The following GNB1 variants were observed in gnomAD, a reference collection of about 807,000 sequenced individuals.
GNB1 encodes guanine nucleotide-binding protein G(I)/G(S)/G(T) subunit beta-1.
GNB1 carries 2 observed loss-of-function variants against 42.9 expected under a neutral mutation model. That is an observed-to-expected ratio of 0.05 (90% CI 0.02 to 0.15). The LOEUF (loss-of-function observed/expected upper bound fraction) is 0.15, where lower values mean the gene tolerates loss of function less well. Among genes scored for constraint, GNB1 ranks in the 10% least tolerant of loss-of-function variants. The pLI is 1.00. For missense variants in GNB1, 193 were observed against 462.2 expected, an observed-to-expected ratio of 0.42 and a Z score of 5.34; for synonymous variants, 183 against 174.7, an observed-to-expected ratio of 1.05 and a Z score of -0.38.
At chr1:1,816,364 T>C (rs1030773259) in intron 4 of GNB1, among the ~76,000 whole-genome samples, 4 of 152,146 alleles carry the variant, frequency 2.6e-5, no homozygotes, top group African/African-American at 9.7e-5. Flanking sequence ...CCATCCTACA[T>C]ATAGACACTG....
intron 1 of GNB1, among the ~76,000 whole-genome samples, chr1:1,844,898 A>G (rs185320167): frequency 4.1e-4 from 62 of 152,330 alleles, no homozygotes; most frequent in Non-Finnish European, 2.4e-4. Flanking sequence ...ATCCAGCCCC[A>G]AGAGTTTTGC....
At chr1:1,879,344 C>A (rs76555215) in intron 1 of GNB1, among the ~76,000 whole-genome samples, 2,615 of 152,260 alleles carry the variant, frequency 0.017, 85 homozygotes, top group African/African-American at 0.059. Context: ...ACTGAAATGT[C>A]CTAAAAATGT....
chr1:1,875,850 A>C (rs758276911), intron 1 of GNB1, among the ~76,000 whole-genome samples: 3 of 151,890 alleles, frequency 2.0e-5, no homozygotes, highest in Non-Finnish European at 4.4e-5. Flanking sequence ...CCCCCCCCAA[A>C]ATTCATGTCT....
chr1:1,837,561 TTTTG>T (rs761903480), intron 2 of GNB1, among the ~76,000 whole-genome samples: 60 of 147,398 alleles, frequency 4.1e-4, no homozygotes, highest in Non-Finnish European at 6.4e-4. Context: ...GCCTTTTTGT[TTTTG>T]TTTTTGTTTT....
intron 1 of GNB1, among the ~76,000 whole-genome samples, chr1:1,843,489 G>A (rs770342925): frequency 2.6e-5 from 4 of 152,042 alleles, no homozygotes; most frequent in Non-Finnish European, 5.9e-5. Flanking sequence ...GGCCTTCCAC[G>A]GTGCTGGGAT....
intron 5 of GNB1, 82 bp from the exon 6 acceptor site, chr1:1,806,620 C>A: frequency 1.1e-6 from 1 of 889,528 alleles, no homozygotes. Context: ...AACCCAGACT[C>A]TGGTGGCTTA....
chr1:1,889,859 A>G (rs1650374049), intron 1 of GNB1, among the ~76,000 whole-genome samples: 1 of 152,202 alleles, frequency 6.6e-6, no homozygotes, highest in Non-Finnish European at 1.5e-5. Flanking sequence ...GGAATTTTCA[A>G]CAGATCTCCC....
At chr1:1,793,407 C>T (rs565057293) in intron 7 of GNB1, 96 bp from the exon 8 acceptor site, 22 of 761,142 alleles carry the variant, frequency 2.9e-5, no homozygotes, top group Non-Finnish European at 4.2e-5. Flanking sequence ...GGAAGCTCTA[C>T]GTCTAAGGTA....
intron 7 of GNB1, among the ~76,000 whole-genome samples, chr1:1,803,436 A>G (rs1646652263): frequency 6.6e-6 from 1 of 152,142 alleles, no homozygotes; most frequent in Admixed American, 6.5e-5. Context: ...GTTGTGTGCC[A>G]CTGTGCGTGG....
intron 2 of GNB1, among the ~76,000 whole-genome samples, chr1:1,830,700 T>C (rs1043914617): frequency 2.6e-5 from 4 of 152,098 alleles, no homozygotes; most frequent in Admixed American, 2.0e-4. Context: ...ACTCCACCCA[T>C]CACACCCAGC....
intron 1 of GNB1, among the ~76,000 whole-genome samples, chr1:1,880,510 C>T (rs1044633458): frequency 4.0e-5 from 6 of 151,844 alleles, no homozygotes; most frequent in Middle Eastern, 3.4e-3. Flanking sequence ...TGCGTGAACC[C>T]GGGAGGCGGA....
rs528722952 is a variant in GNB1 at position 1,812,755 on chromosome 1, A to G, written c.203+3001T>C. Among the ~76,000 whole-genome samples the G allele has an allele frequency of 1.3e-3, 192 of 152,236 alleles. 1 individual carries two copies. The highest frequency in any genetic ancestry group is 1.0e-3 in the Non-Finnish European group (69 of 68,024). On this transcript the variant is annotated intron_variant, in intron 5 of 11. Transcript: ENST00000378609. ...CTTCCTTCTAATCCTGGGGCTTTCA[A>G]GGCACAAAGTGTGTTTGAGACAGAC... is the stretch of plus-strand genomic sequence containing the variant.
intron 5 of GNB1, among the ~76,000 whole-genome samples, chr1:1,807,230 G>C (rs1156478403): frequency 6.6e-6 from 1 of 151,892 alleles, no homozygotes; most frequent in African/African-American, 2.4e-5. Flanking sequence ...GGGAGGCCAA[G>C]GTAGGTGGAT....
chr1:1,791,557 T>A (rs948319806), intron 8 of GNB1, among the ~76,000 whole-genome samples: 10 of 152,220 alleles, frequency 6.6e-5, no homozygotes, highest in Non-Finnish European at 7.3e-5. Context: ...AGCAGAAGCC[T>A]GGCTCAGGTG....
intron 6 of GNB1, among the ~76,000 whole-genome samples, chr1:1,805,729 A>G (rs1413627804): frequency 6.6e-6 from 1 of 151,870 alleles, no homozygotes; most frequent in East Asian, 2.0e-4. Context: ...TTTAGTAGAG[A>G]CGAGGTTTCA....
At chr1:1,848,555 T>C (rs1039951270) in intron 1 of GNB1, among the ~76,000 whole-genome samples, 1 of 152,268 alleles carries the variant, frequency 6.6e-6, no homozygotes, top group South Asian at 2.1e-4. Context: ...AAGACCTTTA[T>C]GAGGGATCCA....
chr1:1,806,395 G>A, intron 6 of GNB1, 80 bp downstream of exon 6: 1 of 868,420 alleles, frequency 1.2e-6, no homozygotes, highest in Non-Finnish European at 1.9e-6. Flanking sequence ...TGTATTACGT[G>A]ATTTAACAAA....
chr1:1,801,613 T>G (rs1646627701), intron 7 of GNB1, among the ~76,000 whole-genome samples: 1 of 152,118 alleles, frequency 6.6e-6, no homozygotes, highest in African/African-American at 2.4e-5. Flanking sequence ...ATGGTTTACC[T>G]ACAAAGCCCA....
intron 2 of GNB1, among the ~76,000 whole-genome samples, chr1:1,836,097 C>CA (rs1647145209): frequency 6.6e-6 from 1 of 151,184 alleles, no homozygotes; most frequent in African/African-American, 2.4e-5. Flanking sequence ...TTCAAAAAAA[C>CA]AAAAAACAAA....
Sources: gnomAD v4.1 joint callset for allele counts (sites outside exome capture counted in the v4.1 genomes callset) on GRCh38, gnomAD v4.1.1 for gene constraint, MANE v1.5 for transcripts, NCBI Gene and HGNC (gene_info 2026-07-23, HGNC 2026-07-21) for gene names.